HDAC7: variants seen among roughly 807,000 people sequenced by gnomAD.
The protein encoded by HDAC7 is histone deacetylase 7A.
In HDAC7, 26 loss-of-function variants were observed where a neutral mutation model predicts 115.5. The observed-to-expected ratio is 0.23, with a 90% CI of 0.16 to 0.31. HDAC7 has a LOEUF of 0.31. Ranked by LOEUF, HDAC7 falls within the 10% of genes least tolerant of loss-of-function variation. The pLI, the probability that HDAC7 is intolerant of heterozygous loss-of-function variation, is 1.00. For synonymous variants in HDAC7, 564 were observed against 550.9 expected (o/e 1.02, Z -0.33); for missense variants, 1,068 against 1,329.0 (o/e 0.80, Z 3.05).
intron 1 of HDAC7, among the ~76,000 whole-genome samples, chr12:47,804,002 G>C (rs575853844): frequency 6.6e-6 from 1 of 152,186 alleles, no homozygotes; most frequent in Admixed American, 6.5e-5. Flanking sequence ...CCCTACCCAG[G>C]GGCTGGTCAG....
At chr12:47,785,912 AG>A (rs1943149236) in intron 22 of HDAC7, 27 bp from the exon 23 acceptor site, 2 of 1,556,622 alleles carry the variant, frequency 1.3e-6, no homozygotes, top group African/African-American at 2.7e-5. Context: ...GAGAAATGGG[AG>A]GGGCGGGAGT....
At chr12:47,792,305 T>TGGCCCAGGACTCGAG (rs1398752373) in intron 13 of HDAC7, 1 of 455,748 alleles carries the variant, frequency 2.2e-6, no homozygotes, top group African/African-American at 2.0e-5. Context: ...GACTGCTGGG[T>TGGCCCAGGACTCGAG]GGCCCAGGAC....
At position 47,795,567 on chromosome 12, in the gene HDAC7, TGAA is replaced by T; in HGVS notation, c.1087+17_1087+19del. On this transcript the variant is annotated intron_variant, in intron 10 of 25. Transcript: ENST00000080059. The surrounding 1 kb of genome is among the most constrained non-coding windows in gnomAD (Gnocchi z 4.3). ...GGGTGCAGGGACCCAGCCCCTTCCC[TGAA>T]GAAGCAGCAGACTCACCAGTCAGCA... 6.4e-7 allele frequency: 1 copy of T among 1,552,556 alleles called. No homozygotes were observed. The highest frequency in any genetic ancestry group is 8.7e-7 in the Non-Finnish European group (1 of 1,148,760).
upstream of HDAC7, among the ~76,000 whole-genome samples, chr12:47,821,131 C>T (rs986951077): frequency 6.6e-6 from 1 of 152,178 alleles, no homozygotes; most frequent in Non-Finnish European, 1.5e-5. Context: ...CATTCTATCT[C>T]CCGCAATCCT....
chr12:47,788,303 A>T, intron 19 of HDAC7, 139 bp from the exon 20 acceptor site: 1 of 1,114,308 alleles, frequency 9.0e-7, no homozygotes. Flanking sequence ...CTAAAGCCAC[A>T]CGGTCGAGTG....
In HDAC7 at chr12:47,788,061, C is replaced by G. The variant is rs951422279; in HGVS notation, c.2339G>C (p.Ser780Thr). 29 of 1,612,094 alleles carry G rather than the reference C, an allele frequency of 1.8e-5. No individual in the cohort carries two copies. Among genetic ancestry groups the G allele is most frequent in the Non-Finnish European group, 2.4e-5 (28 of 1,178,924 alleles). The change falls in exon 20 of 26, where the codon AGT becomes ACT. Residue 780 changes from serine to threonine, a missense_variant. Physicochemically the swap from Ser to Thr is moderately conservative, Grantham distance 58 (BLOSUM62 1). Transcript: ENST00000080059. ...TGCGGTTACCTCATCCACAGCCCCA[C>G]TCCCCGGGAAGAAGTTGCCGTCGTC... ...RHDDGNFFPG[S>T]GAVDEVGAGS...
chr12:47,785,966 G>C, intron 22 of HDAC7, 81 bp from the exon 23 acceptor site: 1 of 1,349,916 alleles, frequency 7.4e-7, no homozygotes, highest in South Asian at 1.5e-5. Flanking sequence ...TTCCCTGCTT[G>C]CTTCCTCCCT....
chr12:47,810,851 T>G, intron 1 of HDAC7, among the ~76,000 whole-genome samples: 1 of 147,962 alleles, frequency 6.8e-6, no homozygotes. Context: ...TCTCTCTATC[T>G]CTATCTCTGT....
chr12:47,788,018 G>A, intron 20 of HDAC7, 27 bp downstream of exon 20: 1 of 1,601,368 alleles, frequency 6.2e-7, no homozygotes, highest in East Asian at 2.2e-5. Context: ...AATGAGGCTG[G>A]AAGATGTGGC....
chr12:47,795,011 C>T lies in HDAC7; in HGVS notation c.1285-78G>A. 6.8e-7 allele frequency: 1 copy of T among 1,460,276 alleles called. No individual in the cohort carries two copies. The highest frequency in any genetic ancestry group is 9.3e-7 in the Non-Finnish European group (1 of 1,071,082). The allele number at this position is 1,460,276 out of a possible 1,614,324, so 90.5% of individuals were successfully genotyped here. A position where few individuals can be genotyped will look rare whatever the true frequency, so the allele number is the denominator to read the frequency against. Reference sequence around the variant, plus strand: ...GTGGGAGGTGGTGGGCTGGGCCAGGCAGCCAGTCATCTTGCTAGGACTCCA... The same window carrying T: ...GTGGGAGGTGGTGGGCTGGGCCAGGTAGCCAGTCATCTTGCTAGGACTCCA... On this transcript the variant is annotated intron_variant, in intron 11 of 25. Coordinates refer to ENST00000080059, the MANE Select transcript of HDAC7 (RefSeq NM_015401.5). This position sits in a 1 kb window ranked among gnomAD's most constrained non-coding sequence, Gnocchi z 4.3.
chr12:47,791,745 C>G, intron 14 of HDAC7, 39 bp from the exon 15 acceptor site: 2 of 1,607,242 alleles, frequency 1.2e-6, no homozygotes, highest in Non-Finnish European at 1.7e-6. Flanking sequence ...TCATGCTCGC[C>G]CCTTCCCTCC....
Position 47,797,306 on chromosome 12 carries a change from C to A in HDAC7, c.577+78G>T. 1 of 1,428,924 alleles carries A rather than the reference C, an allele frequency of 7.0e-7. No individual in the cohort carries two copies. Among genetic ancestry groups the A allele is most frequent in the South Asian group, 1.2e-5 (1 of 86,668 alleles). The allele number at this position is 1,428,924 out of a possible 1,614,324, so 88.5% of individuals were successfully genotyped here. A position where few individuals can be genotyped will look rare whatever the true frequency, so the allele number is the denominator to read the frequency against. On this transcript the variant is annotated intron_variant, in intron 6 of 25. Transcript: ENST00000080059. This position sits in a 1 kb window ranked among gnomAD's most constrained non-coding sequence, Gnocchi z 5.5. ...TCCTGGCCCAGCCCAGCCCGCCCAC[C>A]CCTGCACACTCCTCCCCCATGTCCG...
In HDAC7 at chr12:47,791,231, C is replaced by A. The variant is rs747982337; in HGVS notation, c.1983+28G>T. ...AGGAGAGCTGAGAGCCCTGGCAACG[C>A]CCCCCTGAGACCCCTGGGCACACTT... On this transcript the variant is annotated intron_variant, in intron 16 of 25. Coordinates refer to ENST00000080059, the MANE Select transcript of HDAC7 (RefSeq NM_015401.5). The A allele has an allele frequency of 1.3e-5, 20 of 1,579,040 alleles. No homozygotes were observed. In the Admixed American group the frequency reaches 2.7e-4, roughly 21 times the overall value.
rs1472942056 is a variant in HDAC7, at chr12:47,819,773, C to G, written c.13G>C (p.Gly5Arg). ...GCGGCCGCCCAGTACTCACCAGCGC[C>G]GGGGCTGTGCATCCAGGGGCCGGGG... MHSP[G>R]ADGTQVSPGA... is the part of the protein sequence containing the mutation. Residue 5 changes from glycine to arginine, a missense_variant, in exon 1 of 26, where the codon GGC (glycine) becomes CGC (arginine). Around this residue, in one of 6 missense-constraint regions of HDAC7, gnomAD observed 161 missense variants for 158.5 expected, o/e 1.02. Transcript: ENST00000080059. 8 of 769,536 alleles carry G rather than the reference C, an allele frequency of 1.0e-5. No homozygotes were observed. Among genetic ancestry groups the G allele is most frequent in the African/African-American group, 6.5e-5 (3 of 45,808 alleles). The allele number at this position is 769,536 out of a possible 1,614,324, so 47.7% of individuals were successfully genotyped here.
At chr12:47,784,355 TC>T in intron 24 of HDAC7, 138 bp from the exon 25 acceptor site, 2 of 872,586 alleles carry the variant, frequency 2.3e-6, no homozygotes, top group Non-Finnish European at 3.4e-6. Context: ...GGGTCGGCTC[TC>T]CCACCTGCCC....
intron 1 of HDAC7, among the ~76,000 whole-genome samples, chr12:47,811,214 A>G (rs1944650741): frequency 6.6e-6 from 1 of 152,202 alleles, no homozygotes; most frequent in Non-Finnish European, 1.5e-5. Flanking sequence ...ACTTTGGAAG[A>G]CAGCAGAAGT....
Position 47,795,359 on chromosome 12 carries a change from G to C in HDAC7, c.1109C>G (p.Pro370Arg). Residue 370 changes from proline to arginine, a missense_variant, in exon 11 of 26, where the codon CCC (proline) becomes CGC (arginine). Physicochemically the swap from Pro to Arg is moderately radical, Grantham distance 103. Coordinates refer to ENST00000080059, the MANE Select transcript of HDAC7 (RefSeq NM_015401.5). The surrounding 1 kb of genome is among the most constrained non-coding windows in gnomAD (Gnocchi z 4.3). ...LLTVPGLGPL[P>R]FHFAQSLMTT... ...CATTAAGGACTGGGCAAAGTGGAAG[G>C]GCAAGGGCCCAAGCCCGGGCACTGG... is the stretch of plus-strand genomic sequence containing the variant. 2 of 1,607,102 alleles carry C rather than the reference G, an allele frequency of 1.2e-6. No homozygotes were observed. Among genetic ancestry groups the C allele is most frequent in the Non-Finnish European group, 8.5e-7 (1 of 1,176,708 alleles).
Position 47,790,060 on chromosome 12 carries a change from C to T in HDAC7, c.1984-140G>A, listed in dbSNP as rs369042345. 1.7e-4 allele frequency: 109 copies of T among 641,752 alleles called. 1 individual carries two copies. In the East Asian group the frequency reaches 2.2e-3, roughly 13 times the overall value. 39.8% of individuals were successfully genotyped at this position (641,752 alleles called of 1,614,324 possible). ...CAGTGCTGCCTCCCCAGTGCCCCAC[C>T]GCCCAAAGGCAAGGCCTCCTGTGTC... On this transcript the variant is annotated intron_variant, in intron 16 of 25. Transcript: ENST00000080059.
chr12:47,791,444 G>A (rs1943501726), intron 15 of HDAC7, 136 bp from the exon 16 acceptor site: 2 of 1,383,774 alleles, frequency 1.4e-6, no homozygotes, highest in Non-Finnish European at 2.0e-6. Flanking sequence ...GAGGTGGGCT[G>A]AGGAGGGGCT....
Sources: allele counts gnomAD v4.1 joint callset (sites outside exome capture counted in the v4.1 genomes callset), GRCh38; gene constraint gnomAD v4.1.1; regional missense constraint gnomAD v4.1.1; non-coding constraint Gnocchi (gnomAD v3.1); transcripts MANE v1.5; gene names NCBI Gene and HGNC (gene_info 2026-07-23, HGNC 2026-07-21).